Variants in PTPRD observed in about 807,000 individuals in gnomAD.
The protein encoded by PTPRD is receptor-type tyrosine-protein phosphatase delta.
In PTPRD, 34 loss-of-function variants were observed where a neutral mutation model predicts 214.5. That is an observed-to-expected ratio of 0.16 (90% CI 0.12 to 0.21). The LOEUF is 0.21. PTPRD is among the 10% of genes least tolerant of loss of function. The pLI, the probability that PTPRD is intolerant of heterozygous loss-of-function variation, is 1.00. For synonymous variants in PTPRD, 1,128 were observed against 845.7 expected, an observed-to-expected ratio of 1.33 and a Z score of -5.79; for missense variants, 2,545 against 2,398.7, an observed-to-expected ratio of 1.06 and a Z score of -1.27.
At chr9:9,071,889 G>A (rs117010737) in intron 10 of PTPRD, among the ~76,000 whole-genome samples, 2,901 of 152,126 alleles carry the variant, frequency 0.019, 39 homozygotes, top group Non-Finnish European at 0.03. Context: ...GTATTTCCCC[G>A]TCATACTTGA....
At chr9:8,499,550 T>G in intron 25 of PTPRD, 97 bp downstream of exon 25, 1 of 1,293,668 alleles carries the variant, frequency 7.7e-7, no homozygotes, top group Non-Finnish European at 1.1e-6. Context: ...TATAGGATTT[T>G]TTAAATGTCG....
At chr9:10,577,496 C>G (rs2069835426) in intron 2 of PTPRD, among the ~76,000 whole-genome samples, 1 of 152,206 alleles carries the variant, frequency 6.6e-6, no homozygotes, top group Admixed American at 6.5e-5. Flanking sequence ...ATTTATCACT[C>G]TGTTCTCCTG....
Position 8,807,569 on chromosome 9 carries a change from T to C in PTPRD, c.-103-73623A>G, listed in dbSNP as rs574733823. Among the ~76,000 whole-genome samples, 23 of 152,222 alleles carry C rather than the reference T, an allele frequency of 1.5e-4. No homozygotes were observed. The South Asian group carries it at 3.1e-3, about 21-fold the overall frequency. On this transcript the variant is annotated intron_variant, in intron 11 of 45. Transcript: ENST00000381196. ...CTAGTTTTCTGTGTGGGTAATTTTA[T>C]TTGTGAATGGTTAAAGAACTTTGAA...
chr9:9,405,149 A>G (rs2072767948), intron 8 of PTPRD, among the ~76,000 whole-genome samples: 2 of 152,048 alleles, frequency 1.3e-5, no homozygotes, highest in Non-Finnish European at 1.5e-5. Flanking sequence ...TAAAACTCAC[A>G]ATTTCTTCAG....
chr9:10,523,618 T>TAGAGAGAGAGAGAGAG (rs201735410), intron 2 of PTPRD, among the ~76,000 whole-genome samples: 43 of 116,136 alleles, frequency 3.7e-4, no homozygotes, highest in African/African-American at 1.1e-3. Context: ...TATATATATA[T>TAGAGAGAGAGAGAGAG]ATATAGACAG....
intron 11 of PTPRD, among the ~76,000 whole-genome samples, chr9:8,755,974 G>T (rs1343857790): frequency 1.3e-5 from 2 of 152,164 alleles, no homozygotes; most frequent in Non-Finnish European, 2.9e-5. Context: ...CAAATAAATG[G>T]TCTGAATGAT....
intron 8 of PTPRD, among the ~76,000 whole-genome samples, chr9:9,423,202 C>T (rs919900257): frequency 2.6e-5 from 4 of 152,104 alleles, no homozygotes; most frequent in South Asian, 2.1e-4. Context: ...GGTTTGTGTC[C>T]TCCTCGAAAT....
At chr9:10,139,234 T>A (rs189055704) in intron 3 of PTPRD, among the ~76,000 whole-genome samples, 1 of 151,014 alleles carries the variant, frequency 6.6e-6, no homozygotes, top group African/African-American at 2.4e-5. Context: ...CAGTGGAACA[T>A]AACAGTCAAG....
intron 14 of PTPRD, among the ~76,000 whole-genome samples, chr9:8,617,056 C>A (rs1016842837): frequency 2.6e-5 from 4 of 152,066 alleles, no homozygotes; most frequent in Admixed American, 1.3e-4. Flanking sequence ...GTCCAAAATA[C>A]TTATTTACAA....
At chr9:9,750,905 G>A (rs1564972729) in intron 6 of PTPRD, among the ~76,000 whole-genome samples, 2 of 151,974 alleles carry the variant, frequency 1.3e-5, no homozygotes, top group Non-Finnish European at 1.5e-5. Context: ...GGTGCTCAGG[G>A]CAGAACAAGA....
intron 3 of PTPRD, among the ~76,000 whole-genome samples, chr9:10,335,247 C>T (rs2096824891): frequency 6.6e-6 from 1 of 151,642 alleles, no homozygotes; most frequent in East Asian, 2.0e-4. Flanking sequence ...ATAAAAAGAT[C>T]AATGGAACAG....
At position 9,509,622 on chromosome 9, in the gene PTPRD, T is replaced by G. The variant is rs59394566; in HGVS notation, c.-237+65110A>C. 2.3e-3 allele frequency among the ~76,000 whole-genome samples: 348 copies of G among 151,614 alleles called. 7 individuals are homozygous for G. The highest frequency in any genetic ancestry group is 0.02 in the Admixed American group (305 of 15,120). ...CCTAAATTTTAGACCATCAAGGAGA[T>G]AGATTTGAGACTGATCTCCCTTCTT... On this transcript the variant is annotated intron_variant, in intron 8 of 45. Transcript: ENST00000381196.
chr9:9,722,053 T>C (rs1001915092), intron 7 of PTPRD, among the ~76,000 whole-genome samples: 1 of 152,032 alleles, frequency 6.6e-6, no homozygotes, highest in African/African-American at 2.4e-5. Context: ...AGTTTCTTTT[T>C]TTTCTCCCTT....
intron 8 of PTPRD, among the ~76,000 whole-genome samples, chr9:9,531,662 G>C (rs1263379220): frequency 6.6e-6 from 1 of 152,104 alleles, no homozygotes; most frequent in Non-Finnish European, 1.5e-5. Flanking sequence ...TATCAATTCA[G>C]TGGGTGATAG....
At chr9:9,814,067 G>C (rs2047988149) in intron 5 of PTPRD, among the ~76,000 whole-genome samples, 1 of 152,044 alleles carries the variant, frequency 6.6e-6, no homozygotes, top group Non-Finnish European at 1.5e-5. Flanking sequence ...CTCAATAGAT[G>C]CAGAAAATGA....
chr9:9,043,434 G>C (rs1171157817), intron 10 of PTPRD, among the ~76,000 whole-genome samples: 1 of 152,084 alleles, frequency 6.6e-6, no homozygotes, highest in East Asian at 1.9e-4. Flanking sequence ...TTCATTATCA[G>C]GATGACCTCG....
chr9:10,234,098 C>CA (rs1296417505), intron 3 of PTPRD, among the ~76,000 whole-genome samples: 1 of 151,522 alleles, frequency 6.6e-6, no homozygotes, highest in African/African-American at 2.4e-5. Flanking sequence ...ACTAATAATA[C>CA]AAAAAATTAG....
chr9:8,798,478 C>T (rs149566293), intron 11 of PTPRD, among the ~76,000 whole-genome samples: 2,419 of 152,254 alleles, frequency 0.016, 66 homozygotes, highest in Admixed American at 0.069. Context: ...CTGATATTTA[C>T]TCACAGGAAA....
chr9:8,427,158 G>A (rs1052137794), intron 35 of PTPRD, among the ~76,000 whole-genome samples: 2 of 152,180 alleles, frequency 1.3e-5, no homozygotes, highest in Non-Finnish European at 2.9e-5. Context: ...TATAAAAGCG[G>A]CTCAGGGACT....
Sources: gnomAD v4.1 joint callset for allele counts (sites outside exome capture counted in the v4.1 genomes callset) on GRCh38, gnomAD v4.1.1 for gene constraint, MANE v1.5 for transcripts, NCBI Gene and HGNC (gene_info 2026-07-23, HGNC 2026-07-21) for gene names.